The following FER1L6 variants were observed in gnomAD, a reference collection of about 807,000 sequenced individuals.
FER1L6 encodes the protein fer-1-like protein 6.
FER1L6 carries 177 observed loss-of-function variants against 219.2 expected under a neutral mutation model. The observed-to-expected ratio is 0.81, with a 90% CI of 0.71 to 0.91. The LOEUF is 0.91. Ranked by LOEUF, FER1L6 falls within the 40% of genes least tolerant of loss-of-function variation. The pLI is 0.00. For synonymous variants in FER1L6, 768 were observed against 824.3 expected (o/e 0.93, Z 1.17); for missense variants, 2,153 against 2,259.9 (o/e 0.95, Z 0.96).
At chr8:123,884,706 C>A (rs1180766299) in intron 1 of FER1L6, among the ~76,000 whole-genome samples, 1 of 149,882 alleles carries the variant, frequency 6.7e-6, no homozygotes, top group African/African-American at 2.5e-5. Context: ...TGTAGGGAAC[C>A]CCCAGGTTTG....
chr8:123,888,117 C>CTT (rs77546163), intron 1 of FER1L6, among the ~76,000 whole-genome samples: 14 of 150,600 alleles, frequency 9.3e-5, no homozygotes, highest in African/African-American at 1.2e-4. Context: ...CTGATATTCT[C>CTT]TTTTTTTTTC....
intron 1 of FER1L6, among the ~76,000 whole-genome samples, chr8:123,881,011 T>G (rs1459356121): frequency 1.3e-5 from 2 of 152,194 alleles, no homozygotes; most frequent in African/African-American, 4.8e-5. Flanking sequence ...TTGGGAAAGA[T>G]CTCTTGTAAG....
chr8:124,100,888 T>A (rs1005665360), intron 37 of FER1L6, among the ~76,000 whole-genome samples: 2 of 152,118 alleles, frequency 1.3e-5, no homozygotes, highest in Non-Finnish European at 2.9e-5. Flanking sequence ...CAACCCTGCC[T>A]TGAAATGAGC....
intron 12 of FER1L6, among the ~76,000 whole-genome samples, chr8:123,997,162 A>G (rs1352328151): frequency 6.6e-6 from 1 of 152,152 alleles, no homozygotes; most frequent in Non-Finnish European, 1.5e-5. Context: ...CAAATTGAAA[A>G]ACTTCCTTTA....
intron 21 of FER1L6, among the ~76,000 whole-genome samples, chr8:124,048,985 A>C (rs1392275166): frequency 1.3e-5 from 2 of 152,038 alleles, no homozygotes; most frequent in Non-Finnish European, 2.9e-5. Flanking sequence ...TATATGAGAG[A>C]GATAGCCCCT....
chr8:124,013,457 A>G lies in FER1L6; in HGVS notation c.1848A>G (p.Glu616=). Residue 616 remains glutamate, a synonymous_variant, in exon 15 of 41, where the codon GAA becomes GAG. Transcript: ENST00000522917. ...AAGAAAGTATAGAAGAAGTGAGAGA[A>G]TTGATCAAGATTTCACAGGAGGCAC... ...FLEESIEEVR[E]LIKISQEAPE... 2 of 1,609,232 alleles carry G rather than the reference A, an allele frequency of 1.2e-6. No individual in the cohort carries two copies. The highest frequency in any genetic ancestry group is 1.7e-6 in the Non-Finnish European group (2 of 1,178,560).
At chr8:123,955,387 G>C (rs1025357416) in intron 1 of FER1L6, among the ~76,000 whole-genome samples, 2 of 152,232 alleles carry the variant, frequency 1.3e-5, no homozygotes, top group Non-Finnish European at 2.9e-5. Flanking sequence ...TGAGCTGTGC[G>C]CTTATGGTGA....
intron 38 of FER1L6, among the ~76,000 whole-genome samples, chr8:124,101,697 G>A (rs183740016): frequency 3.8e-4 from 58 of 152,298 alleles, no homozygotes; most frequent in African/African-American, 1.3e-3. Context: ...AGAGCACTCC[G>A]TAGTGCCTCA....
chr8:123,939,475 T>C (rs1325554841), intron 1 of FER1L6, among the ~76,000 whole-genome samples: 1 of 151,952 alleles, frequency 6.6e-6, no homozygotes, highest in Non-Finnish European at 1.5e-5. Flanking sequence ...TCGGGGAGCA[T>C]AAAGGGGAAG....
intron 1 of FER1L6, among the ~76,000 whole-genome samples, chr8:123,887,415 C>T (rs1204974042): frequency 6.6e-6 from 1 of 152,106 alleles, no homozygotes; most frequent in East Asian, 1.9e-4. Flanking sequence ...TAAAAAGCTG[C>T]CCATTTAATC....
intron 39 of FER1L6, among the ~76,000 whole-genome samples, chr8:124,104,073 T>C (rs1428689701): frequency 6.6e-6 from 1 of 152,172 alleles, no homozygotes; most frequent in Non-Finnish European, 1.5e-5. Context: ...GGGATTCCCC[T>C]AGTACCTCAC....
chr8:124,017,671 CA>C lies in FER1L6; in HGVS notation c.1969del (p.Thr657ProfsTer3). 1 of 1,613,726 alleles carries C rather than the reference CA, an allele frequency of 6.2e-7. No homozygotes were observed. The highest frequency in any genetic ancestry group is 1.7e-5 in the Admixed American group (1 of 59,988). ...EAEKKPKMLNQTTLDKKRLTL... is the reference protein window; with the variant it reads ...EAEKKPKMLNXTTLDKKRLTL... ...AGAAAAAAAGCCCAAGATGTTGAAC[CA>C]AACCACTTTAGATAAGAAGCGACTT... On this transcript the variant is annotated frameshift_variant, in exon 16 of 41. Coordinates refer to ENST00000522917, the MANE Select transcript of FER1L6 (RefSeq NM_001039112.2). LOFTEE classifies it high-confidence loss of function.
intron 19 of FER1L6, among the ~76,000 whole-genome samples, chr8:124,038,745 C>A (rs185341799): frequency 6.6e-6 from 1 of 152,170 alleles, no homozygotes; most frequent in Admixed American, 6.5e-5. Flanking sequence ...CTGTGTGAGA[C>A]AAGTGTAGGG....
chr8:123,898,770 T>C (rs1563677528), intron 1 of FER1L6, among the ~76,000 whole-genome samples: 4 of 146,256 alleles, frequency 2.7e-5, no homozygotes, highest in African/African-American at 7.5e-5. Context: ...CATATATATG[T>C]GTATATATAC....
rs532511932 is a variant in FER1L6 at position 124,011,163 on chromosome 8, G to A, written c.1821+449G>A. Among the ~76,000 whole-genome samples, 4 of 152,046 alleles carry A rather than the reference G, an allele frequency of 2.6e-5. No homozygotes were observed. In the South Asian group the frequency reaches 8.3e-4, roughly 32 times the overall value. On this transcript the variant is annotated intron_variant, in intron 14 of 40. Coordinates refer to ENST00000522917, the MANE Select transcript of FER1L6 (RefSeq NM_001039112.2). ...TCCCTTACTTTGTTCCAACTACACT[G>A]GTGCCCTTTTAATATGTTGAAAAAA...
chr8:123,903,584 C>T (rs917214908), intron 1 of FER1L6, among the ~76,000 whole-genome samples: 4 of 151,938 alleles, frequency 2.6e-5, no homozygotes, highest in South Asian at 2.1e-4. Context: ...AGCATGTTTA[C>T]GTAAAATTAA....
chr8:123,955,727 G>T (rs536139278), intron 1 of FER1L6, among the ~76,000 whole-genome samples: 82 of 152,326 alleles, frequency 5.4e-4, no homozygotes, highest in African/African-American at 1.9e-3. Flanking sequence ...AGCTAGTGTT[G>T]TTAGTATTCA....
intron 37 of FER1L6, among the ~76,000 whole-genome samples, chr8:124,098,202 G>A (rs1011654451): frequency 1.3e-5 from 2 of 152,250 alleles, no homozygotes; most frequent in African/African-American, 4.8e-5. Context: ...ATGTGGTGCT[G>A]TTAATGAAAG....
At chr8:124,118,760 C>A in intron 39 of FER1L6, 84 bp from the exon 40 acceptor site, 1 of 1,130,778 alleles carries the variant, frequency 8.8e-7, no homozygotes, top group South Asian at 1.4e-5. Context: ...TGGAATTCTC[C>A]AACTTGGTAA....
Sources: allele counts gnomAD v4.1 joint callset (sites outside exome capture counted in the v4.1 genomes callset), GRCh38; gene constraint gnomAD v4.1.1; transcripts MANE v1.5; gene names NCBI Gene and HGNC (gene_info 2026-07-23, HGNC 2026-07-21).